Variants in PHF24 observed in about 807,000 individuals in gnomAD.
The protein encoded by PHF24 is PHD finger protein 24, also known as Galpha inhibitory interacting protein.
PHF24 carries 25 observed loss-of-function variants against 42.6 expected under a neutral mutation model. The observed-to-expected ratio is 0.59, with a 90% CI of 0.43 to 0.82. PHF24 has a LOEUF of 0.82. Ranked by LOEUF, PHF24 falls within the 40% of genes least tolerant of loss-of-function variation. The pLI, the probability that PHF24 is intolerant of heterozygous loss-of-function variation, is 0.00. For missense variants in PHF24, 470 were observed against 538.1 expected, an observed-to-expected ratio of 0.87 and a Z score of 1.25; for synonymous variants, 185 against 204.8, an observed-to-expected ratio of 0.90 and a Z score of 0.83.
At chr9:34,893,785 G>A in the PHF24 span, among the ~76,000 whole-genome samples, 4 of 152,106 alleles carry the variant, frequency 2.6e-5, no homozygotes, top group Non-Finnish European at 5.9e-5. Context: ...CTAGGAGAAC[G>A]GAGCCAGGCG....
chr9:34,808,960 C>T, the PHF24 span, among the ~76,000 whole-genome samples: 5 of 151,100 alleles, frequency 3.3e-5, no homozygotes, highest in South Asian at 4.2e-4. Flanking sequence ...GTGGGTACAG[C>T]GCACCAGCAT....
the PHF24 span, among the ~76,000 whole-genome samples, chr9:34,808,387 A>G: frequency 1.3e-5 from 2 of 152,134 alleles, no homozygotes; most frequent in Non-Finnish European, 2.9e-5. Flanking sequence ...GCTTGAGCCC[A>G]GGAGTTTGAG....
the PHF24 span, among the ~76,000 whole-genome samples, chr9:34,717,464 G>T: frequency 1.3e-5 from 2 of 152,162 alleles, no homozygotes; most frequent in African/African-American, 4.8e-5. Context: ...GACCCTTCAA[G>T]GATGGAGCCA....
intron 3 of PHF24, among the ~76,000 whole-genome samples, chr9:34,974,164 T>C (rs1191226491): frequency 6.6e-6 from 1 of 152,180 alleles, no homozygotes; most frequent in African/African-American, 2.4e-5. Context: ...CCATTGCACC[T>C]GGCCCCACAG....
At chr9:34,949,034 A>T in the PHF24 span, among the ~76,000 whole-genome samples, 1 of 152,252 alleles carries the variant, frequency 6.6e-6, no homozygotes, top group Non-Finnish European at 1.5e-5. Flanking sequence ...GCTAAAGCAT[A>T]AACTAGTATT....
chr9:34,692,017 A>G, the PHF24 span, among the ~76,000 whole-genome samples: 1 of 152,120 alleles, frequency 6.6e-6, no homozygotes, highest in East Asian at 1.9e-4. Context: ...GGGGCTGGCC[A>G]GCTCATATTC....
the PHF24 span, chr9:34,729,589 C>T: frequency 1.5e-6 from 1 of 677,376 alleles, no homozygotes; most frequent in African/African-American, 1.8e-5. Flanking sequence ...TCATAAGGTA[C>T]ATGTAGTAGG....
At chr9:34,846,488 G>T in the PHF24 span, among the ~76,000 whole-genome samples, 17 of 151,908 alleles carry the variant, frequency 1.1e-4, 1 homozygote, top group South Asian at 1.3e-3. Flanking sequence ...CATTGTAGAT[G>T]CTGGATATTA....
chr9:34,965,168 G>A (rs996779975), intron 1 of PHF24, among the ~76,000 whole-genome samples: 3 of 152,118 alleles, frequency 2.0e-5, no homozygotes, highest in Non-Finnish European at 4.4e-5. Context: ...AGCTGATTTT[G>A]TTAAGTTCTC....
the PHF24 span, among the ~76,000 whole-genome samples, chr9:34,808,498 G>C: frequency 6.6e-6 from 1 of 152,226 alleles, no homozygotes; most frequent in East Asian, 1.9e-4. Flanking sequence ...TATTGCCTTA[G>C]TCCATTTTGT....
chr9:34,852,619 G>A, the PHF24 span, among the ~76,000 whole-genome samples: 1 of 152,176 alleles, frequency 6.6e-6, no homozygotes, highest in Non-Finnish European at 1.5e-5. Context: ...AGCCTATAAA[G>A]TTTCTGCTGA....
At chr9:34,960,358 A>G (rs563095197) in intron 1 of PHF24, among the ~76,000 whole-genome samples, 22 of 152,312 alleles carry the variant, frequency 1.4e-4, no homozygotes, top group Admixed American at 7.2e-4. Flanking sequence ...AAAACAGAAC[A>G]ACATAGTTTA....
At chr9:34,753,515 T>C in the PHF24 span, among the ~76,000 whole-genome samples, 1 of 152,016 alleles carries the variant, frequency 6.6e-6, no homozygotes, top group Admixed American at 6.6e-5. Context: ...AAAAATATAT[T>C]CCATGCTCAT....
chr9:34,833,672 G>A, the PHF24 span: 10 of 1,513,560 alleles, frequency 6.6e-6, no homozygotes, highest in Non-Finnish European at 8.1e-6. Flanking sequence ...GGGGCTAGTA[G>A]GATGCGTCTG....
the PHF24 span, among the ~76,000 whole-genome samples, chr9:34,798,643 C>G: frequency 6.6e-6 from 1 of 152,110 alleles, no homozygotes; most frequent in Admixed American, 6.5e-5. Flanking sequence ...GAGTCCATGT[C>G]TTTGTTATTG....
the PHF24 span, among the ~76,000 whole-genome samples, chr9:34,909,893 C>A: frequency 6.6e-6 from 1 of 152,202 alleles, no homozygotes; most frequent in Admixed American, 6.5e-5. Flanking sequence ...TCCCAAAGTG[C>A]TGGGATTACA....
intron 7 of PHF24, 35 bp from the exon 8 acceptor site, chr9:34,977,980 C>T (rs1473986731): frequency 6.5e-7 from 1 of 1,547,146 alleles, no homozygotes; most frequent in African/African-American, 1.4e-5. Context: ...GTCTTCAAAC[C>T]AGCCTCACGA....
the PHF24 span, among the ~76,000 whole-genome samples, chr9:34,883,095 G>A: frequency 1.3e-4 from 20 of 152,000 alleles, no homozygotes; most frequent in Admixed American, 1.3e-3. Flanking sequence ...ACAAACCTGA[G>A]AAAAACAAGC....
the PHF24 span, chr9:34,833,335 G>T: frequency 6.4e-7 from 1 of 1,551,184 alleles, no homozygotes; most frequent in South Asian, 1.2e-5. Context: ...AGACCGAGTG[G>T]GCAGAACCCT....
Sources: gnomAD v4.1 joint callset for allele counts (sites outside exome capture counted in the v4.1 genomes callset) on GRCh38, gnomAD v4.1.1 for gene constraint, MANE v1.5 for transcripts, NCBI Gene and HGNC (gene_info 2026-07-23, HGNC 2026-07-21) for gene names.